Variants in CEP41 observed in about 807,000 individuals in gnomAD.
The protein encoded by CEP41 is centrosomal protein of 41 kDa.
A neutral mutation model predicts 44.3 loss-of-function variants in CEP41; 32 were observed. That is an observed-to-expected ratio of 0.72 (90% confidence interval 0.54 to 0.97). The LOEUF is 0.97. CEP41 is among the 50% of genes least tolerant of loss of function. The pLI, the probability that CEP41 is intolerant of heterozygous loss-of-function variation, is 0.00. For missense variants in CEP41, 432 were observed against 455.2 expected, an observed-to-expected ratio of 0.95 and a Z score of 0.46; for synonymous variants, 151 against 168.5, an observed-to-expected ratio of 0.90 and a Z score of 0.80.
chr7:130,395,022 T>G lies in CEP41; in HGVS notation c.*3869A>C, dbSNP rs1554413942. The G allele has an allele frequency of 4.4e-6, 2 of 454,094 alleles. No individual in the cohort carries two copies. The highest frequency in any genetic ancestry group is 1.4e-4 in the East Asian group (2 of 14,396). 28.1% of individuals were successfully genotyped at this position (454,094 alleles called of 1,614,324 possible). ...GAGGGGAGCCATCAGGGGATCACAA[T>G]GTGACAGACACCGTTTCGAAAACAC... On this transcript the variant is annotated 3_prime_UTR_variant, in exon 11 of 11. Coordinates refer to ENST00000223208, the MANE Select transcript of CEP41 (RefSeq NM_018718.3).
intron 1 of CEP41, among the ~76,000 whole-genome samples, chr7:130,434,559 T>C (rs986065665): frequency 6.6e-6 from 1 of 152,134 alleles, no homozygotes; most frequent in East Asian, 1.9e-4. Flanking sequence ...TAAATGACCA[T>C]GGGGAAACTG....
intron 1 of CEP41, among the ~76,000 whole-genome samples, chr7:130,430,583 T>C (rs933357480): frequency 6.6e-6 from 1 of 152,080 alleles, no homozygotes. Context: ...CATACAAAGA[T>C]TGAAAAGCCA....
chr7:130,411,246 A>G (rs1797174485), intron 4 of CEP41, 55 bp from the exon 5 acceptor site: 1 of 1,436,832 alleles, frequency 7.0e-7, no homozygotes. Context: ...AAACAGACGC[A>G]ATTTTGTCTT....
intron 10 of CEP41, 196 bp from the exon 11 acceptor site, chr7:130,399,235 G>A: frequency 1.6e-6 from 1 of 640,162 alleles, no homozygotes. Context: ...GAGGGGGACA[G>A]AAATGAAGGG....
At chr7:130,403,350 T>A (rs2117568497) in intron 6 of CEP41, among the ~76,000 whole-genome samples, 1 of 152,308 alleles carries the variant, frequency 6.6e-6, no homozygotes, top group South Asian at 2.1e-4. Flanking sequence ...AACATTGAGG[T>A]TGACGAGGCT....
chr7:130,425,432 A>G (rs781879380), intron 2 of CEP41, among the ~76,000 whole-genome samples: 2 of 152,164 alleles, frequency 1.3e-5, no homozygotes, highest in Non-Finnish European at 2.9e-5. Flanking sequence ...AACAAACCAA[A>G]ACAAAACTGC....
intron 10 of CEP41, 141 bp from the exon 11 acceptor site, chr7:130,399,180 C>A: frequency 1.0e-6 from 1 of 960,908 alleles, no homozygotes; most frequent in Non-Finnish European, 1.6e-6. Flanking sequence ...TACTTTAGGC[C>A]AACGATGGCC....
At position 130,395,035 on chromosome 7, in the gene CEP41, G is replaced by A. The variant is rs187532705; in HGVS notation, c.*3856C>T. ...AGGGGATCACAATGTGACAGACACC[G>A]TTTCGAAAACACATAAAATCATGCA... On this transcript the variant is annotated 3_prime_UTR_variant, in exon 11 of 11. Coordinates refer to ENST00000223208, the MANE Select transcript of CEP41 (RefSeq NM_018718.3). 194 of 454,036 alleles carry A rather than the reference G, an allele frequency of 4.3e-4. 1 individual carries two copies. The highest frequency in any genetic ancestry group is 2.6e-3 in the Admixed American group (110 of 42,556). 28.1% of individuals were successfully genotyped at this position (454,036 alleles called of 1,614,324 possible).
intron 5 of CEP41, among the ~76,000 whole-genome samples, chr7:130,409,822 T>A (rs1797120081): frequency 6.6e-6 from 1 of 152,068 alleles, no homozygotes; most frequent in East Asian, 1.9e-4. Flanking sequence ...TCTAGCCTTA[T>A]CTCCTACCCA....
chr7:130,398,704 CA>C lies in CEP41; in HGVS notation c.*186del, dbSNP rs781815113. On this transcript the variant is annotated 3_prime_UTR_variant, in exon 11 of 11. Coordinates refer to ENST00000223208, the MANE Select transcript of CEP41 (RefSeq NM_018718.3). ...ACCTCTGGTTTTTATGGTCACCTGT[CA>C]AAATCCTTCCTGAGGTGGCCTCCTG... 1.1e-5 allele frequency: 9 copies of C among 785,858 alleles called. No homozygotes were observed. Among genetic ancestry groups the C allele is most frequent in the Non-Finnish European group, 2.0e-5 (9 of 440,390 alleles). The allele number at this position is 785,858 out of a possible 1,614,324, so 48.7% of individuals were successfully genotyped here. A position where few individuals can be genotyped will look rare whatever the true frequency, so the allele number is the denominator to read the frequency against.
At chr7:130,399,922 T>C in intron 10 of CEP41, 117 bp downstream of exon 10, 1 of 842,268 alleles carries the variant, frequency 1.2e-6, no homozygotes, top group Middle Eastern at 3.4e-4. Flanking sequence ...CCAGCACCTG[T>C]AACATACCTC....
intron 6 of CEP41, among the ~76,000 whole-genome samples, chr7:130,404,131 C>T (rs995579928): frequency 2.0e-5 from 3 of 152,088 alleles, no homozygotes; most frequent in African/African-American, 7.2e-5. Context: ...GAATAAACAC[C>T]AAGTACTGCT....
intron 5 of CEP41, among the ~76,000 whole-genome samples, chr7:130,410,714 C>G (rs192488825): frequency 2.0e-5 from 3 of 152,274 alleles, no homozygotes; most frequent in Admixed American, 2.0e-4. Flanking sequence ...TTTTGTGGTA[C>G]TGTTATCATT....
chr7:130,411,093 A>G (rs782369812), intron 5 of CEP41, 29 bp downstream of exon 5: 1 of 1,601,650 alleles, frequency 6.2e-7, no homozygotes, highest in South Asian at 1.1e-5. Flanking sequence ...TCAGCCTGTT[A>G]TTTTCCCCAC....
At position 130,395,213 on chromosome 7, in the gene CEP41, C is replaced by G; in HGVS notation, c.*3678G>C. ...GAAAGTATTACTACCCAAATGTATT[C>G]TGAACATTTTGGAAGCACAATGTTA... On this transcript the variant is annotated 3_prime_UTR_variant, in exon 11 of 11. Transcript: ENST00000223208. 2.2e-6 allele frequency: 1 copy of G among 452,094 alleles called. No individual in the cohort carries two copies. Among genetic ancestry groups the G allele is most frequent in the South Asian group, 1.6e-5 (1 of 64,244 alleles). 28.0% of individuals were successfully genotyped at this position (452,094 alleles called of 1,614,324 possible).
At chr7:130,411,776 C>A (rs536997032) in intron 4 of CEP41, among the ~76,000 whole-genome samples, 8 of 152,194 alleles carry the variant, frequency 5.3e-5, no homozygotes, top group African/African-American at 1.4e-4. Context: ...CCCAAAATAA[C>A]AAAACAGCTC....
Position 130,440,697 on chromosome 7 carries a change from A to G in CEP41, c.33+237T>C, listed in dbSNP as rs1285416610. 9 of 606,734 alleles carry G rather than the reference A, an allele frequency of 1.5e-5. No homozygotes were observed. In the East Asian group the frequency reaches 2.5e-4, roughly 17 times the overall value. 37.6% of individuals were successfully genotyped at this position (606,734 alleles called of 1,614,324 possible). Reference sequence around the variant, plus strand: ...TGTCTTTGGGTACTTCGCTCCTCGCAGTCACAAGTACTGGCGTGCGTACGC... The same window carrying G: ...TGTCTTTGGGTACTTCGCTCCTCGCGGTCACAAGTACTGGCGTGCGTACGC... On this transcript the variant is annotated intron_variant, in intron 1 of 10. Coordinates refer to ENST00000223208, the MANE Select transcript of CEP41 (RefSeq NM_018718.3).
intron 8 of CEP41, 146 bp downstream of exon 8, chr7:130,401,735 T>C (rs1554416972): frequency 6.6e-6 from 4 of 608,194 alleles, no homozygotes; most frequent in Non-Finnish European, 9.2e-6. Flanking sequence ...TTCTTGGCAA[T>C]AGCTAGGAAT....
In CEP41 at chr7:130,402,805, A is replaced by G. The variant is rs782507648; in HGVS notation, c.423-6T>C. On this transcript the variant is annotated splice_region_variant and splice_polypyrimidine_tract_variant and intron_variant, in intron 6 of 10. Coordinates refer to ENST00000223208, the MANE Select transcript of CEP41 (RefSeq NM_018718.3). ...CCCCAACACCACTGATGACACTGCA[A>G]GTGAAAAAGTAGGTCAGCAGAAACT... 74 of 1,613,994 alleles carry G rather than the reference A, an allele frequency of 4.6e-5. No homozygotes were observed. The highest frequency in any genetic ancestry group is 6.1e-5 in the Non-Finnish European group (72 of 1,179,980).
Sources: gnomAD v4.1 joint callset for allele counts (sites outside exome capture counted in the v4.1 genomes callset) on GRCh38, gnomAD v4.1.1 for gene constraint, MANE v1.5 for transcripts, NCBI Gene and HGNC (gene_info 2026-07-23, HGNC 2026-07-21) for gene names.